ARHGEF3: variants seen among roughly 807,000 people sequenced by gnomAD.
The protein encoded by ARHGEF3 is Rho guanine nucleotide exchange factor 3.
In ARHGEF3, 28 loss-of-function variants were observed where a neutral mutation model predicts 63.2. The observed-to-expected ratio is 0.44, with a 90% CI of 0.33 to 0.61. The LOEUF (loss-of-function observed/expected upper bound fraction) is 0.61, where lower values mean the gene tolerates loss of function less well. Ranked by LOEUF, ARHGEF3 falls within the 20% of genes least tolerant of loss-of-function variation. The pLI is 0.03. For missense variants in ARHGEF3, 533 were observed against 659.3 expected (o/e 0.81, Z 2.10); for synonymous variants, 266 against 254.2 (o/e 1.05, Z -0.44).
chr3:56,731,477 G>A (rs941719891), intron 9 of ARHGEF3: 4 of 151,882 alleles, frequency 2.6e-5, no homozygotes, highest in African/African-American at 9.7e-5. Flanking sequence ...AGTGCAGTGA[G>A]CCGAGATCAC....
chr3:56,916,520 C>A (rs1336893759), intron 3 of ARHGEF3: 25 of 1,361,650 alleles, frequency 1.8e-5, no homozygotes, highest in Non-Finnish European at 2.3e-5. Flanking sequence ...AGGCTGAGAG[C>A]CGCACCAGTC....
intron 3 of ARHGEF3, among the ~76,000 whole-genome samples, chr3:56,753,936 C>T (rs1349389430): frequency 6.6e-6 from 1 of 152,204 alleles, no homozygotes; most frequent in Admixed American, 6.5e-5. Flanking sequence ...GATTCAGAGG[C>T]TCTTCTAGAT....
chr3:56,853,782 G>A (rs1474480199), intron 4 of ARHGEF3, among the ~76,000 whole-genome samples: 2 of 152,194 alleles, frequency 1.3e-5, no homozygotes, highest in African/African-American at 4.8e-5. Flanking sequence ...TACATGCCAA[G>A]AGTTATGCCA....
chr3:56,819,537 A>G lies in ARHGEF3; in HGVS notation c.193-45721T>C, dbSNP rs554881072. Among the ~76,000 whole-genome samples, 582 of 149,594 alleles carry G rather than the reference A, an allele frequency of 3.9e-3. 4 individuals are homozygous for G. Among genetic ancestry groups the G allele is most frequent in the African/African-American group, 0.014 (555 of 40,746 alleles). ...TTTTTTTTTTTTTTTTTAAAGACAG[A>G]GTCTAGCTCTGTCTCCCAAGCTGGA... On this transcript the variant is annotated intron_variant, in intron 4 of 12. Transcript: ENST00000338458.
In ARHGEF3 at chr3:56,943,101, A is replaced by G. The variant is rs1474637294; in HGVS notation, c.129+15722T>C. Among the ~76,000 whole-genome samples, 2 of 152,252 alleles carry G rather than the reference A, an allele frequency of 1.3e-5. 1 individual carries two copies. The highest frequency in any genetic ancestry group is 1.3e-4 in the Admixed American group (2 of 15,288). The stretch of plus-strand genomic sequence containing the variant: ...AGAAGATCTGGCTATGATAATCGAC[A>G]AAGGTGGTGACACTAAACAACAGAT... On this transcript the variant is annotated intron_variant, in intron 3 of 12. Coordinates refer to the ARHGEF3 transcript ENST00000338458.
At chr3:57,035,198 C>T (rs1844071) in intron 1 of ARHGEF3, 224,280 of 1,341,600 alleles carry the variant, frequency 0.17, 21,022 homozygotes, top group East Asian at 0.41. Context: ...AGCAAAACAA[C>T]CAACATTTAT....
chr3:57,066,302 C>T (rs538694783), intron 1 of ARHGEF3, among the ~76,000 whole-genome samples: 1 of 151,426 alleles, frequency 6.6e-6, no homozygotes, highest in South Asian at 2.1e-4. Flanking sequence ...GAGTCTGACT[C>T]TGTCACCCAG....
intron 1 of ARHGEF3, among the ~76,000 whole-genome samples, chr3:57,075,690 G>C (rs1429468340): frequency 6.6e-6 from 1 of 152,110 alleles, no homozygotes; most frequent in Non-Finnish European, 1.5e-5. Context: ...CATGCCCATA[G>C]TCCCAGTTAC....
chr3:56,900,490 G>C (rs1169344120), intron 3 of ARHGEF3, among the ~76,000 whole-genome samples: 1 of 151,974 alleles, frequency 6.6e-6, no homozygotes, highest in Admixed American at 6.6e-5. Context: ...AATTAGCCAG[G>C]CATGGTGGCA....
intron 1 of ARHGEF3, among the ~76,000 whole-genome samples, chr3:56,795,111 T>C (rs1039427715): frequency 6.6e-6 from 1 of 152,012 alleles, no homozygotes; most frequent in Admixed American, 6.6e-5. Context: ...GCAATCCTGC[T>C]GCCTCTGCTT....
intron 2 of ARHGEF3, among the ~76,000 whole-genome samples, chr3:57,022,300 T>C (rs1703291885): frequency 6.6e-6 from 1 of 151,724 alleles, no homozygotes; most frequent in South Asian, 2.1e-4. Context: ...AGGAGGTCCC[T>C]GTCTTTGCCA....
chr3:56,903,097 G>A (rs2041575678), intron 3 of ARHGEF3, among the ~76,000 whole-genome samples: 1 of 145,648 alleles, frequency 6.9e-6, no homozygotes, highest in South Asian at 2.2e-4. Context: ...CACAGAGAGA[G>A]AGAGAGAGAA....
chr3:56,941,893 C>G (rs776586908), intron 3 of ARHGEF3, among the ~76,000 whole-genome samples: 1 of 152,034 alleles, frequency 6.6e-6, no homozygotes, highest in Non-Finnish European at 1.5e-5. Context: ...CATTATATGC[C>G]TCTGCATCAA....
intron 4 of ARHGEF3, among the ~76,000 whole-genome samples, chr3:56,824,210 T>C (rs1208731166): frequency 1.3e-5 from 2 of 152,066 alleles, no homozygotes; most frequent in African/African-American, 4.8e-5. Flanking sequence ...AGAGAGGAAA[T>C]TGCAAGGTGC....
chr3:56,962,817 T>A (rs548646612), intron 2 of ARHGEF3, among the ~76,000 whole-genome samples: 1 of 152,070 alleles, frequency 6.6e-6, no homozygotes, highest in Non-Finnish European at 1.5e-5. Context: ...CAAATTCAAG[T>A]GTATGTGTCT....
chr3:56,784,237 C>T (rs1371514168), intron 1 of ARHGEF3, among the ~76,000 whole-genome samples: 1 of 152,256 alleles, frequency 6.6e-6, no homozygotes, highest in Non-Finnish European at 1.5e-5. Context: ...CATCAAGTCT[C>T]TGTGGCCCTT....
chr3:57,025,629 C>A (rs1560143768), intron 2 of ARHGEF3, among the ~76,000 whole-genome samples: 1 of 152,192 alleles, frequency 6.6e-6, no homozygotes, highest in Non-Finnish European at 1.5e-5. Flanking sequence ...TGTCCTAAAG[C>A]CAGACGTGAA....
In ARHGEF3 at chr3:56,988,822, G is replaced by A. The variant is rs145146786; in HGVS notation, c.63-29933C>T. 6.1e-3 allele frequency among the ~76,000 whole-genome samples: 934 copies of A among 152,268 alleles called. 7 individuals are homozygous for A. The highest frequency in any genetic ancestry group is 0.022 in the African/African-American group (906 of 41,540). The stretch of plus-strand genomic sequence containing the variant: ...CAACAGTATGTGCCCATCTGGCCCC[G>A]TTTCTGTCTGAATCTTGTGCTCAGA... On this transcript the variant is annotated intron_variant, in intron 2 of 12. Transcript: ENST00000338458.
intron 3 of ARHGEF3, among the ~76,000 whole-genome samples, chr3:56,918,409 A>C (rs958309381): frequency 1.3e-5 from 2 of 152,370 alleles, no homozygotes; most frequent in African/African-American, 4.8e-5. Flanking sequence ...AGAATGATTC[A>C]ACCTAACTTC....
Sources: gnomAD v4.1 joint callset for allele counts (sites outside exome capture counted in the v4.1 genomes callset) on GRCh38, gnomAD v4.1.1 for gene constraint, MANE v1.5 for transcripts, NCBI Gene and HGNC (gene_info 2026-07-23, HGNC 2026-07-21) for gene names.